The following HDX variants were observed in gnomAD, a reference collection of about 807,000 sequenced individuals.
The protein encoded by HDX is highly divergent homeobox, also known as chromosome X open reading frame 43.
HDX carries 19 observed loss-of-function variants against 45.2 expected under a neutral mutation model. The observed-to-expected ratio is 0.42, with a 90% CI of 0.29 to 0.62. HDX has a LOEUF of 0.62. Among genes scored for constraint, HDX ranks in the 20% least tolerant of loss-of-function variants. HDX has a pLI of 0.20. For synonymous variants in HDX, 188 were observed against 172.8 expected (o/e 1.09, Z -0.69); for missense variants, 532 against 493.9 (o/e 1.08, Z -0.73).
intron 7 of HDX, among the ~76,000 whole-genome samples, chrX:84,340,506 T>A (rs1050433527): frequency 2.7e-5 from 3 of 110,852 alleles, no homozygotes; most frequent in African/African-American, 9.8e-5. Context: ...ATTTCTTAGA[T>A]GTAATTAATG....
intron 10 of HDX, 47 bp from the exon 11 acceptor site, chrX:84,322,061 T>C: frequency 1.2e-5 from 10 of 861,112 alleles, no homozygotes; most frequent in Non-Finnish European, 1.6e-5. Context: ...GGATAGATTG[T>C]TTTCCAATTT....
chrX:84,437,646 T>A (rs1428585049), intron 5 of HDX, among the ~76,000 whole-genome samples: 1 of 110,658 alleles, frequency 9.0e-6, no homozygotes, highest in African/African-American at 3.3e-5. Context: ...ACCAGGCACA[T>A]GTGAGGAGAT....
At chrX:84,407,410 A>G (rs1396118613) in intron 5 of HDX, among the ~76,000 whole-genome samples, 1 of 111,476 alleles carries the variant, frequency 9.0e-6, no homozygotes, top group East Asian at 2.8e-4. Flanking sequence ...TTATAGCTAT[A>G]CAATACTACA....
intron 5 of HDX, among the ~76,000 whole-genome samples, chrX:84,431,561 T>C (rs1249157613): frequency 9.0e-6 from 1 of 111,379 alleles, no homozygotes; most frequent in Non-Finnish European, 1.9e-5. Context: ...GTGTGAGATA[T>C]CTTGTTGTGA....
chrX:84,365,245 A>G (rs146642836), intron 5 of HDX, among the ~76,000 whole-genome samples: 3,929 of 111,261 alleles, frequency 0.035, 187 homozygotes, highest in African/African-American at 0.12. Flanking sequence ...CTATTGATGG[A>G]CATTATATTT....
intron 6 of HDX, among the ~76,000 whole-genome samples, chrX:84,349,068 G>A (rs777316066): frequency 9.9e-5 from 11 of 110,838 alleles, no homozygotes; most frequent in Admixed American, 3.8e-4. Flanking sequence ...TTTCAGACTT[G>A]TCTACACTGA....
intron 5 of HDX, among the ~76,000 whole-genome samples, chrX:84,428,246 T>A (rs943020181): frequency 1.3e-4 from 14 of 110,709 alleles, no homozygotes; most frequent in African/African-American, 4.6e-4. Context: ...CATAACCCTG[T>A]CTTTCTATAA....
chrX:84,417,190 G>C (rs1344981152), intron 5 of HDX, among the ~76,000 whole-genome samples: 3 of 87,655 alleles, frequency 3.4e-5, no homozygotes, highest in African/African-American at 1.2e-4. Flanking sequence ...AAGAAAGAGA[G>C]AGAAAGAAAG....
intron 6 of HDX, among the ~76,000 whole-genome samples, chrX:84,349,403 A>G (rs766621110): frequency 0.031 from 2,132 of 68,448 alleles, 47 homozygotes; most frequent in African/African-American, 0.047. Context: ...ATATATATAT[A>G]TGTGTGTGTG....
At position 84,408,316 on chromosome X, in the gene HDX, T is replaced by C. The variant is rs145968360; in HGVS notation, c.1305+32216A>G. On this transcript the variant is annotated intron_variant, in intron 5 of 10. Transcript: ENST00000373177. ...AATAGAGAGTCCTCTCTCCATTGCT[T>C]GTTTTTGTTGACTATTGACTTTGTC... 4.7e-3 allele frequency among the ~76,000 whole-genome samples: 521 copies of C among 110,599 alleles called. 3 individuals carry two copies. Among genetic ancestry groups the C allele is most frequent in the Admixed American group, 7.3e-3 (75 of 10,294 alleles).
At chrX:84,457,429 G>A (rs1293699206) in intron 4 of HDX, among the ~76,000 whole-genome samples, 1 of 111,343 alleles carries the variant, frequency 9.0e-6, no homozygotes, top group Admixed American at 9.5e-5. Context: ...TTATAATACT[G>A]GTGCAACAAA....
At chrX:84,460,315 T>C (rs1047565698) in intron 4 of HDX, among the ~76,000 whole-genome samples, 1 of 111,757 alleles carries the variant, frequency 8.9e-6, no homozygotes, top group Non-Finnish European at 1.9e-5. Flanking sequence ...AAATCGATCA[T>C]AAGAACAGAT....
At chrX:84,435,278 T>C (rs5968320) in intron 5 of HDX, among the ~76,000 whole-genome samples, 7,892 of 111,549 alleles carry the variant, frequency 0.071, 335 homozygotes, top group African/African-American at 0.16. Flanking sequence ...TGATATCTCA[T>C]AGTGGTTTTG....
At chrX:84,324,972 C>T (rs1479423576) in intron 10 of HDX, among the ~76,000 whole-genome samples, 1 of 111,087 alleles carries the variant, frequency 9.0e-6, no homozygotes, top group Non-Finnish European at 1.9e-5. Flanking sequence ...TTCAGTATGT[C>T]GTGGAATATA....
Position 84,333,806 on chromosome X carries a change from T to A in HDX, c.1777A>T (p.Ile593Leu). Residue 593 changes from isoleucine to leucine, a missense_variant, in exon 9 of 11, where the codon ATA (isoleucine) becomes TTA (leucine). Around this residue, in one of 3 missense-constraint regions of HDX, gnomAD observed 151 missense variants for 131.8 expected, o/e 1.15. Coordinates refer to ENST00000373177, the MANE Select transcript of HDX (RefSeq NM_001177479.2). ...EIIDDEESDM[I>L]SNSEVEQVNS... ...ACTTGTTCTACTTCAGAATTACTTATCATGTCACTTTCTTCATCATCAATA... is the reference window on the plus strand; with the variant it reads ...ACTTGTTCTACTTCAGAATTACTTAACATGTCACTTTCTTCATCATCAATA... 1 of 977,306 alleles carries A rather than the reference T, an allele frequency of 1.0e-6. No homozygotes were observed. The highest frequency in any genetic ancestry group is 1.4e-6 in the Non-Finnish European group (1 of 693,374). The allele number at this position is 977,306 out of a possible 1,213,427, so 80.5% of individuals were successfully genotyped here.
Position 84,494,036 on chromosome X carries a change from A to C in HDX, c.-109-5904T>G, listed in dbSNP as rs1417127228. The stretch of plus-strand genomic sequence containing the variant: ...TAAAAAAATTAAAAATACTAAAAAA[A>C]AGTAAAAAGATCAATTTCAAATGGA... On this transcript the variant is annotated intron_variant, in intron 1 of 10. Coordinates refer to ENST00000373177, the MANE Select transcript of HDX (RefSeq NM_001177479.2). 2.0e-4 allele frequency among the ~76,000 whole-genome samples: 22 copies of C among 111,508 alleles called. No homozygotes were observed. In the Admixed American group the frequency reaches 2.0e-3, roughly 10 times the overall value.
rs1556006542 is a variant in HDX at position 84,406,503 on chromosome X, C to CACAT, written c.1305+34028_1305+34029insATGT. ...ACACACACACACACACACACACATA[C>CACAT]ACACACACACACACATACACACACA... is the stretch of plus-strand genomic sequence containing the variant. On this transcript the variant is annotated intron_variant, in intron 5 of 10. Coordinates refer to ENST00000373177, the MANE Select transcript of HDX (RefSeq NM_001177479.2). Among the ~76,000 whole-genome samples the CACAT allele has an allele frequency of 6.9e-3, 350 of 50,742 alleles. 3 individuals carry two copies. Among genetic ancestry groups the CACAT allele is most frequent in the African/African-American group, 0.02 (334 of 16,430 alleles). The allele number at this position is 50,742 out of a possible 115,157, so 44.1% of individuals were successfully genotyped here.
intron 10 of HDX, among the ~76,000 whole-genome samples, chrX:84,322,853 A>T (rs150920511): frequency 2.6e-3 from 285 of 111,272 alleles, no homozygotes; most frequent in Non-Finnish European, 4.0e-3. Flanking sequence ...TGCTTCCAAT[A>T]CTAAGAATAA....
chrX:84,399,628 C>G (rs924778258), intron 5 of HDX, among the ~76,000 whole-genome samples: 1 of 111,464 alleles, frequency 9.0e-6, no homozygotes, highest in Non-Finnish European at 1.9e-5. Context: ...CAAATTCTAC[C>G]AGAGGTACAA....
Sources: gnomAD v4.1 joint callset for allele counts (sites outside exome capture counted in the v4.1 genomes callset) on GRCh38, gnomAD v4.1.1 for gene constraint, gnomAD v4.1.1 regional missense constraint, MANE v1.5 for transcripts, NCBI Gene and HGNC (gene_info 2026-07-23, HGNC 2026-07-21) for gene names.